The following ADAM2 variants were observed in gnomAD, a reference collection of about 807,000 sequenced individuals.
ADAM2 encodes ADAM metallopeptidase domain 2.
In ADAM2, 101 loss-of-function variants were observed where a neutral mutation model predicts 99.3. That is an observed-to-expected ratio of 1.02 (90% CI 0.87 to 1.20). ADAM2 has a LOEUF of 1.20. ADAM2 is among the 50% of genes most tolerant of loss of function. The pLI, the probability that ADAM2 is intolerant of heterozygous loss-of-function variation, is 0.00. For synonymous variants in ADAM2, 323 were observed against 287.6 expected, an observed-to-expected ratio of 1.12 and a Z score of -1.25; for missense variants, 948 against 878.7, an observed-to-expected ratio of 1.08 and a Z score of -1.00.
At chr8:39,821,232 G>T in intron 5 of ADAM2, 62 bp from the exon 6 acceptor site, 5 of 1,118,984 alleles carry the variant, frequency 4.5e-6, no homozygotes, top group Non-Finnish European at 1.3e-6. Context: ...CCAATAAAAT[G>T]CCACTTAGCA....
At chr8:39,832,661 T>G (rs1445618618) in intron 3 of ADAM2, among the ~76,000 whole-genome samples, 3 of 152,242 alleles carry the variant, frequency 2.0e-5, no homozygotes, top group African/African-American at 7.2e-5. Flanking sequence ...CAACTGCTCT[T>G]GAATTTACAA....
chr8:39,750,732 T>C (rs1215267290), intron 16 of ADAM2, among the ~76,000 whole-genome samples: 1 of 152,184 alleles, frequency 6.6e-6, no homozygotes, highest in African/African-American at 2.4e-5. Context: ...GATTCTGACT[T>C]GTTTAATTCT....
At chr8:39,810,049 C>G (rs1804627880) in intron 6 of ADAM2, among the ~76,000 whole-genome samples, 1 of 152,008 alleles carries the variant, frequency 6.6e-6, no homozygotes, top group Admixed American at 6.6e-5. Flanking sequence ...ATCTCATGTG[C>G]AGAGACAAAC....
In ADAM2 at chr8:39,821,168, C is replaced by T. The variant is rs779025966; in HGVS notation, c.347G>A (p.Gly116Asp). 9 of 1,560,188 alleles carry T rather than the reference C, an allele frequency of 5.8e-6. No homozygotes were observed. The highest frequency in any genetic ancestry group is 6.0e-6 in the Non-Finnish European group (7 of 1,159,184). ...ACTAACATTTTCAAACTGTAGTACG[C>T]CCCTAAAAATTTCAAAAAAAAATTA... ...VMVSTCTGLR[G>D]VLQFENVSYG... is the part of the protein sequence containing the mutation. Residue 116 changes from glycine (G) to aspartate (D), a missense_variant and splice_region_variant, in exon 6 of 21, where the codon GGC (glycine) becomes GAC (aspartate). By Grantham distance (94) the Gly-to-Asp change is moderately conservative. Coordinates refer to ENST00000265708, the MANE Select transcript of ADAM2 (RefSeq NM_001464.5).
intron 10 of ADAM2, among the ~76,000 whole-genome samples, chr8:39,779,801 T>C (rs1287918055): frequency 6.6e-6 from 1 of 152,176 alleles, no homozygotes; most frequent in East Asian, 1.9e-4. Context: ...GTTTTTTGCA[T>C]AACATGTGAG....
chr8:39,798,817 T>G (rs1804084221), intron 7 of ADAM2, among the ~76,000 whole-genome samples: 1 of 152,166 alleles, frequency 6.6e-6, no homozygotes, highest in Non-Finnish European at 1.5e-5. Context: ...ACTCTCCAGT[T>G]TTTTTTGCAT....
At position 39,799,334 on chromosome 8, in the gene ADAM2, G is replaced by C. The variant is rs142166019; in HGVS notation, c.570+10076C>G. ...CAGGAACAGGTTGTTCAATTTCCATGACATTGTGTGGTTTTGAGTGAGTTT... is the reference window on the plus strand; with the variant it reads ...CAGGAACAGGTTGTTCAATTTCCATCACATTGTGTGGTTTTGAGTGAGTTT... On this transcript the variant is annotated intron_variant, in intron 7 of 20. Transcript: ENST00000265708. Among the ~76,000 whole-genome samples, 13 of 152,322 alleles carry C rather than the reference G, an allele frequency of 8.5e-5. 1 individual carries two copies. Among genetic ancestry groups the C allele is most frequent in the African/African-American group, 3.1e-4 (13 of 41,570 alleles).
At chr8:39,828,521 TAAAAC>T (rs1417298597) in intron 3 of ADAM2, among the ~76,000 whole-genome samples, 1 of 151,616 alleles carries the variant, frequency 6.6e-6, no homozygotes, top group East Asian at 1.9e-4. Flanking sequence ...AAGAGGAATA[TAAAAC>T]AAAAGATAAA....
chr8:39,838,071 G>A, intron 1 of ADAM2, 60 bp downstream of exon 1: 3 of 1,567,320 alleles, frequency 1.9e-6, no homozygotes, highest in Non-Finnish European at 2.6e-6. Flanking sequence ...GTAACTTGGA[G>A]GCAAAGGGAG....
At chr8:39,802,089 T>C (rs1388862445) in intron 7 of ADAM2, among the ~76,000 whole-genome samples, 1 of 152,202 alleles carries the variant, frequency 6.6e-6, no homozygotes, top group Admixed American at 6.5e-5. Flanking sequence ...AGAATCTGCG[T>C]GTTCCATGGT....
intron 7 of ADAM2, among the ~76,000 whole-genome samples, chr8:39,790,403 A>G (rs537494273): frequency 5.9e-5 from 9 of 151,982 alleles, no homozygotes; most frequent in Non-Finnish European, 1.2e-4. Flanking sequence ...TCACTACGGT[A>G]AATGAAAAAA....
chr8:39,825,612 T>G lies in ADAM2; in HGVS notation c.189-715A>C, dbSNP rs1805366587. Among the ~76,000 whole-genome samples, 4 of 151,520 alleles carry G rather than the reference T, an allele frequency of 2.6e-5. No individual in the cohort carries two copies. In the South Asian group the frequency reaches 8.3e-4, roughly 31 times the overall value. ...GGGAAATAAAAGTCAGATATAAATATATCATCAAAAGAAAAAAAAAGACTA... is the reference window on the plus strand; with the variant it reads ...GGGAAATAAAAGTCAGATATAAATAGATCATCAAAAGAAAAAAAAAGACTA... On this transcript the variant is annotated intron_variant, in intron 3 of 20. Coordinates refer to ENST00000265708, the MANE Select transcript of ADAM2 (RefSeq NM_001464.5).
At chr8:39,837,478 C>T (rs565087504) in intron 1 of ADAM2, among the ~76,000 whole-genome samples, 57 of 152,146 alleles carry the variant, frequency 3.7e-4, no homozygotes, top group African/African-American at 1.3e-3. Context: ...CCTCCGCCTC[C>T]CGGTTTCAAG....
intron 10 of ADAM2, among the ~76,000 whole-genome samples, chr8:39,777,883 A>G (rs1217123472): frequency 1.3e-5 from 2 of 151,596 alleles, no homozygotes; most frequent in East Asian, 3.9e-4. Flanking sequence ...TAGCCATTTC[A>G]TAAATGTTTT....
At chr8:39,796,207 A>G (rs1436930275) in intron 7 of ADAM2, among the ~76,000 whole-genome samples, 1 of 151,690 alleles carries the variant, frequency 6.6e-6, no homozygotes, top group Non-Finnish European at 1.5e-5. Flanking sequence ...CCACCCCACA[A>G]CAGGCCCTGG....
At chr8:39,757,153 C>T (rs755818321) in intron 15 of ADAM2, among the ~76,000 whole-genome samples, 2 of 152,108 alleles carry the variant, frequency 1.3e-5, no homozygotes, top group Non-Finnish European at 2.9e-5. Flanking sequence ...GTCCAAATCT[C>T]TAGAACTGGC....
chr8:39,747,577 G>C (rs1282743069), intron 18 of ADAM2, among the ~76,000 whole-genome samples: 1 of 152,110 alleles, frequency 6.6e-6, no homozygotes, highest in Admixed American at 6.6e-5. Context: ...ATTTTGATTT[G>C]AGATAAAATT....
At chr8:39,786,896 A>T (rs915256694) in intron 10 of ADAM2, 78 bp downstream of exon 10, 2 of 1,072,828 alleles carry the variant, frequency 1.9e-6, no homozygotes, top group African/African-American at 3.4e-5. Context: ...ATTTTAATAC[A>T]CATAAAAATT....
At chr8:39,784,798 T>C (rs1486294088) in intron 10 of ADAM2, among the ~76,000 whole-genome samples, 2 of 152,200 alleles carry the variant, frequency 1.3e-5, no homozygotes, top group African/African-American at 4.8e-5. Flanking sequence ...ATATTGAAGA[T>C]TAATTTTTGT....
Sources: gnomAD v4.1 joint callset for allele counts (sites outside exome capture counted in the v4.1 genomes callset) on GRCh38, gnomAD v4.1.1 for gene constraint, MANE v1.5 for transcripts, NCBI Gene and HGNC (gene_info 2026-07-23, HGNC 2026-07-21) for gene names.